ZNF420: variants seen among roughly 807,000 people sequenced by gnomAD.
ZNF420 encodes zinc finger protein 420.
Under a neutral mutation model 44.7 loss-of-function variants are expected in ZNF420, and 31 were observed. The observed-to-expected ratio is 0.69, with a 90% CI of 0.52 to 0.94. The LOEUF is 0.94. ZNF420 is among the 40% of genes least tolerant of loss of function. The pLI, the probability that ZNF420 is intolerant of heterozygous loss-of-function variation, is 0.00. For missense variants in ZNF420, 681 were observed against 827.9 expected, an observed-to-expected ratio of 0.82 and a Z score of 2.18; for synonymous variants, 245 against 267.4, an observed-to-expected ratio of 0.92 and a Z score of 0.82.
intron 1 of ZNF420, among the ~76,000 whole-genome samples, chr19:37,028,083 G>A (rs181923190): frequency 1.3e-5 from 2 of 152,192 alleles, no homozygotes; most frequent in Non-Finnish European, 2.9e-5. Context: ...ATCCTCACCA[G>A]CATTTGGTGG....
intron 1 of ZNF420, among the ~76,000 whole-genome samples, chr19:37,042,321 A>G (rs1967470167): frequency 6.6e-6 from 1 of 152,228 alleles, no homozygotes; most frequent in South Asian, 2.1e-4. Context: ...TTCAGCATAT[A>G]GAAGTAGGAG....
At chr19:37,050,030 A>G (rs1463003570) in intron 1 of ZNF420, among the ~76,000 whole-genome samples, 1 of 152,138 alleles carries the variant, frequency 6.6e-6, no homozygotes, top group African/African-American at 2.4e-5. Flanking sequence ...GGTTGTAGAT[A>G]TGCGGCATTA....
chr19:37,034,751 G>A (rs1396008482), intron 1 of ZNF420, among the ~76,000 whole-genome samples: 1 of 152,198 alleles, frequency 6.6e-6, no homozygotes, highest in African/African-American at 2.4e-5. Flanking sequence ...TATGCCAGCA[G>A]TTCTCTACCA....
chr19:37,027,078 T>C (rs897405816), intron 1 of ZNF420, among the ~76,000 whole-genome samples: 4 of 152,230 alleles, frequency 2.6e-5, no homozygotes, highest in African/African-American at 9.7e-5. Flanking sequence ...TTATTTAATA[T>C]TCAACATTTG....
At chr19:37,070,160 T>A (rs1157563412) in intron 1 of ZNF420, among the ~76,000 whole-genome samples, 1 of 152,066 alleles carries the variant, frequency 6.6e-6, no homozygotes, top group African/African-American at 2.4e-5. Flanking sequence ...ATAATCCAAT[T>A]TATGACTACT....
chr19:37,126,832 A>T (rs1971370289), intron 4 of ZNF420, among the ~76,000 whole-genome samples: 1 of 152,152 alleles, frequency 6.6e-6, no homozygotes. Context: ...AGATAGGAAC[A>T]TTACTGTACC....
intron 1 of ZNF420, among the ~76,000 whole-genome samples, chr19:37,056,623 A>G (rs1599622182): frequency 6.6e-6 from 1 of 152,152 alleles, no homozygotes; most frequent in Non-Finnish European, 1.5e-5. Flanking sequence ...TTCAGCTGAC[A>G]CCACGCCTTG....
chr19:37,108,363 G>T (rs1272105636), intron 4 of ZNF420: 1 of 152,180 alleles, frequency 6.6e-6, no homozygotes, highest in Non-Finnish European at 1.5e-5. Context: ...GCCTTCCCTT[G>T]CTCTCACTAG....
chr19:37,025,672 C>A (rs1159538300), intron 1 of ZNF420, among the ~76,000 whole-genome samples: 1 of 151,628 alleles, frequency 6.6e-6, no homozygotes, highest in Non-Finnish European at 1.5e-5. Flanking sequence ...TCTCACAATG[C>A]AGAGCTCAGT....
chr19:37,088,180 A>G (rs1389541232), intron 2 of ZNF420, among the ~76,000 whole-genome samples: 1 of 152,242 alleles, frequency 6.6e-6, no homozygotes, highest in Non-Finnish European at 1.5e-5. Context: ...TAGTTTGCCA[A>G]GTTATGATTT....
intron 3 of ZNF420, 110 bp from the exon 4 acceptor site, chr19:37,090,885 A>G (rs977133560): frequency 2.5e-6 from 3 of 1,180,244 alleles, no homozygotes; most frequent in South Asian, 1.5e-5. Flanking sequence ...GCGCCACTGC[A>G]CTCCAGCCTG....
At chr19:37,075,401 A>G (rs1968127737), upstream of ZNF420, among the ~76,000 whole-genome samples, 1 of 152,116 alleles carries the variant, frequency 6.6e-6, no homozygotes, top group Non-Finnish European at 1.5e-5. Context: ...ATTGACTTTT[A>G]TATTTTAAAA....
At chr19:37,088,037 C>T (rs980532214) in intron 2 of ZNF420, among the ~76,000 whole-genome samples, 23 of 152,150 alleles carry the variant, frequency 1.5e-4, no homozygotes, top group Non-Finnish European at 2.6e-4. Context: ...TATGGCTTTG[C>T]GGGCCACATG....
At chr19:37,030,010 A>C (rs1568423792) in intron 1 of ZNF420, among the ~76,000 whole-genome samples, 1 of 152,174 alleles carries the variant, frequency 6.6e-6, no homozygotes, top group Non-Finnish European at 1.5e-5. Flanking sequence ...TATACAGTAC[A>C]ATTTTATTAC....
chr19:37,119,029 T>C (rs1359503980), intron 4 of ZNF420, among the ~76,000 whole-genome samples: 1 of 152,200 alleles, frequency 6.6e-6, no homozygotes, highest in Non-Finnish European at 1.5e-5. Flanking sequence ...TGGGAGACTT[T>C]AACACCCCAC....
rs147371376 is a variant in ZNF420 at position 37,052,564 on chromosome 19, C to G, written c.-124-27781C>G. Among the ~76,000 whole-genome samples, 45 of 152,256 alleles carry G rather than the reference C, an allele frequency of 3.0e-4. 1 individual carries two copies. Among genetic ancestry groups the G allele is most frequent in the African/African-American group, 1.0e-3 (43 of 41,532 alleles). The stretch of plus-strand genomic sequence containing the variant: ...TCTTTTAGGGCAGGCCTGCTGGTGA[C>G]AAAATCTCTCAGCATTTGCTTGTCT... On this transcript the variant is annotated intron_variant, in intron 1 of 4. Transcript: ENST00000587029.
intron 4 of ZNF420, chr19:37,111,589 C>T (rs915805531): frequency 1.1e-4 from 16 of 152,164 alleles, no homozygotes; most frequent in South Asian, 4.1e-4. Context: ...ATTTGTCTCT[C>T]GTTTCTGCAG....
intron 4 of ZNF420, among the ~76,000 whole-genome samples, chr19:37,120,087 A>G (rs1970940738): frequency 6.6e-6 from 1 of 152,234 alleles, no homozygotes; most frequent in Admixed American, 6.5e-5. Context: ...ATTCCAATCA[A>G]TAGAAAAAGA....
At chr19:37,062,887 C>T (rs1042004237) in intron 1 of ZNF420, among the ~76,000 whole-genome samples, 2 of 152,154 alleles carry the variant, frequency 1.3e-5, no homozygotes, top group African/African-American at 4.8e-5. Flanking sequence ...TAGTTAAGAT[C>T]ATCTGGAGGA....
Sources: allele counts gnomAD v4.1 joint callset (sites outside exome capture counted in the v4.1 genomes callset), GRCh38; gene constraint gnomAD v4.1.1; transcripts MANE v1.5; gene names NCBI Gene and HGNC (gene_info 2026-07-23, HGNC 2026-07-21).